MTUS2: variants seen among roughly 807,000 people sequenced by gnomAD.
The protein encoded by MTUS2 is microtubule associated scaffold protein 2.
Under a neutral mutation model 114.1 loss-of-function variants are expected in MTUS2, and 40 were observed. The observed-to-expected ratio is 0.35, with a 90% CI of 0.27 to 0.46. The LOEUF is 0.46. Among genes scored for constraint, MTUS2 ranks in the 20% least tolerant of loss-of-function variants. MTUS2 has a pLI of 1.00. For missense variants in MTUS2, 1,679 were observed against 1,705.4 expected, an observed-to-expected ratio of 0.98 and a Z score of 0.27; for synonymous variants, 688 against 672.0, an observed-to-expected ratio of 1.02 and a Z score of -0.37.
At chr13:29,057,515 C>G (rs918004567) in intron 4 of MTUS2, among the ~76,000 whole-genome samples, 21 of 152,212 alleles carry the variant, frequency 1.4e-4, no homozygotes, top group African/African-American at 4.6e-4. Context: ...ATAGTTAGGT[C>G]TTCTCATTGA....
chr13:29,015,985 A>G (rs1274539064), intron 2 of MTUS2, among the ~76,000 whole-genome samples: 1 of 152,004 alleles, frequency 6.6e-6, no homozygotes, highest in South Asian at 2.1e-4. Context: ...GCCCAGTGCA[A>G]CCTCCGCCTC....
At chr13:28,931,578 A>G (rs998872283) in intron 2 of MTUS2, among the ~76,000 whole-genome samples, 1 of 152,174 alleles carries the variant, frequency 6.6e-6, no homozygotes, top group Non-Finnish European at 1.5e-5. Flanking sequence ...CTGTGAGTCA[A>G]TTAAACCTCT....
intron 4 of MTUS2, among the ~76,000 whole-genome samples, chr13:29,067,247 G>T (rs900598717): frequency 7.2e-5 from 11 of 152,076 alleles, no homozygotes; most frequent in Admixed American, 2.0e-4. Flanking sequence ...TCAGAGAGAG[G>T]GGGGAGGATA....
At chr13:29,231,376 G>A (rs1474161915) in intron 5 of MTUS2, among the ~76,000 whole-genome samples, 1 of 152,092 alleles carries the variant, frequency 6.6e-6, no homozygotes, top group Non-Finnish European at 1.5e-5. Context: ...TCGGCACCAT[G>A]TCCACCATTT....
chr13:29,397,609 G>A (rs1874006493), intron 8 of MTUS2, among the ~76,000 whole-genome samples: 1 of 152,192 alleles, frequency 6.6e-6, no homozygotes, highest in Non-Finnish European at 1.5e-5. Flanking sequence ...AAGCACTGCT[G>A]TGAATTACTT....
intron 9 of MTUS2, among the ~76,000 whole-genome samples, chr13:29,463,694 CA>C (rs1247717424): frequency 2.0e-5 from 3 of 152,054 alleles, no homozygotes; most frequent in African/African-American, 7.2e-5. Flanking sequence ...CTCTTCTGGG[CA>C]AAGAAAAGGG....
rs114479963 is a variant in MTUS2, at chr13:29,324,404, C to T, written c.2807-209C>T. Among the ~76,000 whole-genome samples the T allele has an allele frequency of 8.2e-3, 1,249 of 152,282 alleles. 9 individuals are homozygous for T. Among genetic ancestry groups the T allele is most frequent in the African/African-American group, 0.028 (1,159 of 41,542 alleles). Reference sequence around the variant, plus strand: ...AGACAGCAGTGTCCTTACTTCTCCCCTGACCACTCAAAACTAAATTCCCTT... The same window carrying T: ...AGACAGCAGTGTCCTTACTTCTCCCTTGACCACTCAAAACTAAATTCCCTT... On this transcript the variant is annotated intron_variant, in intron 6 of 15. Transcript: ENST00000612955.
intron 5 of MTUS2, among the ~76,000 whole-genome samples, chr13:29,171,825 G>A (rs1893574097): frequency 6.6e-6 from 1 of 152,154 alleles, no homozygotes; most frequent in Non-Finnish European, 1.5e-5. Flanking sequence ...CAGTCATTAT[G>A]TCAGCATTCC....
intron 8 of MTUS2, among the ~76,000 whole-genome samples, chr13:29,398,290 G>C (rs973825727): frequency 6.6e-6 from 1 of 151,858 alleles, no homozygotes; most frequent in Non-Finnish European, 1.5e-5. Flanking sequence ...GCGAAATCTC[G>C]TCTCTAGTAA....
intron 5 of MTUS2, among the ~76,000 whole-genome samples, chr13:29,153,781 TTTTA>T (rs2139048594): frequency 6.6e-6 from 1 of 152,316 alleles, no homozygotes; most frequent in Admixed American, 6.5e-5. Context: ...TCCTATTTGG[TTTTA>T]TTTGACAGTG....
At chr13:28,928,505 T>C (rs1449519115) in intron 2 of MTUS2, among the ~76,000 whole-genome samples, 1 of 152,182 alleles carries the variant, frequency 6.6e-6, no homozygotes, top group Non-Finnish European at 1.5e-5. Context: ...GAAAAAATGC[T>C]CAACATTACT....
intron 5 of MTUS2, among the ~76,000 whole-genome samples, chr13:29,106,911 C>T (rs1336284610): frequency 2.0e-5 from 3 of 152,092 alleles, no homozygotes; most frequent in Non-Finnish European, 4.4e-5. Flanking sequence ...CCCACCTTCC[C>T]TGCATACCAT....
chr13:29,221,719 TC>T (rs1225115306), intron 5 of MTUS2, among the ~76,000 whole-genome samples: 1 of 152,112 alleles, frequency 6.6e-6, no homozygotes, highest in Non-Finnish European at 1.5e-5. Context: ...TGATTTGTGT[TC>T]TTTTTGTTTC....
At chr13:29,207,311 T>C (rs1199439464) in intron 5 of MTUS2, among the ~76,000 whole-genome samples, 7 of 152,356 alleles carry the variant, frequency 4.6e-5, no homozygotes, top group Non-Finnish European at 7.4e-5. Context: ...TTATCAGTTC[T>C]AGGAGCTTTT....
chr13:29,264,542 C>T (rs942187410), intron 5 of MTUS2, among the ~76,000 whole-genome samples: 4 of 152,392 alleles, frequency 2.6e-5, no homozygotes, highest in African/African-American at 9.6e-5. Flanking sequence ...GCCCTTGCAG[C>T]AGGCTCCCGC....
At chr13:28,821,714 A>G (rs577822378) in intron 1 of MTUS2, among the ~76,000 whole-genome samples, 165 of 152,332 alleles carry the variant, frequency 1.1e-3, no homozygotes, top group African/African-American at 3.9e-3. Flanking sequence ...ACGTGTAGCC[A>G]GGGGTGAGAC....
At chr13:29,348,434 G>A (rs1349006324) in intron 7 of MTUS2, among the ~76,000 whole-genome samples, 3 of 152,082 alleles carry the variant, frequency 2.0e-5, no homozygotes, top group African/African-American at 7.2e-5. Flanking sequence ...TGTCGCAGAT[G>A]ACTTGAATCC....
intron 1 of MTUS2, among the ~76,000 whole-genome samples, chr13:28,835,531 G>A (rs1017530805): frequency 1.3e-5 from 2 of 152,156 alleles, no homozygotes; most frequent in Admixed American, 6.5e-5. Flanking sequence ...CTAATGGTCT[G>A]GGTTTCTTTG....
At chr13:29,293,903 A>T (rs532929723) in intron 6 of MTUS2, among the ~76,000 whole-genome samples, 2,875 of 152,240 alleles carry the variant, frequency 0.019, 81 homozygotes, top group African/African-American at 0.065. Flanking sequence ...TTATAGAAAA[A>T]GTTGGAAAAT....
Sources: allele counts gnomAD v4.1 joint callset (sites outside exome capture counted in the v4.1 genomes callset), GRCh38; gene constraint gnomAD v4.1.1; transcripts MANE v1.5; gene names NCBI Gene and HGNC (gene_info 2026-07-23, HGNC 2026-07-21).